The following ZFHX3 variants were observed in gnomAD, a reference collection of about 807,000 sequenced individuals.
ZFHX3 encodes zinc finger homeobox protein 3.
A neutral mutation model predicts 279.1 loss-of-function variants in ZFHX3; 42 were observed. The ratio of observed to expected loss-of-function variants is 0.15; its 90% CI spans 0.12 to 0.19. The LOEUF is 0.19. Ranked by LOEUF, ZFHX3 falls within the 10% of genes least tolerant of loss-of-function variation. The pLI is 1.00. For synonymous variants in ZFHX3, 2,293 were observed against 1,957.8 expected (o/e 1.17, Z -4.52); for missense variants, 4,981 against 4,754.0 (o/e 1.05, Z -1.40).
intron 5 of ZFHX3, among the ~76,000 whole-genome samples, chr16:73,187,151 C>T (rs1227794184): frequency 6.8e-6 from 1 of 146,552 alleles, no homozygotes; most frequent in East Asian, 1.9e-4. Flanking sequence ...GTCTCACACA[C>T]ACACACACAC....
chr16:73,087,474 G>A (rs1397378974), intron 8 of ZFHX3, among the ~76,000 whole-genome samples: 4 of 152,152 alleles, frequency 2.6e-5, no homozygotes, highest in Non-Finnish European at 4.4e-5. Context: ...TCCCCAAACT[G>A]CCATTCTTTT....
At chr16:72,942,059 CCTGA>C (rs774672033) in intron 3 of ZFHX3, among the ~76,000 whole-genome samples, 4 of 152,198 alleles carry the variant, frequency 2.6e-5, no homozygotes, top group Non-Finnish European at 5.9e-5. Context: ...CTTGCCTTTT[CCTGA>C]CTATGTTCCT....
intron 4 of ZFHX3, among the ~76,000 whole-genome samples, chr16:72,864,766 C>G (rs966748188): frequency 2.0e-5 from 3 of 152,190 alleles, no homozygotes; most frequent in Non-Finnish European, 4.4e-5. Context: ...ATATCAGAAT[C>G]CAACCAAGAA....
intron 3 of ZFHX3, among the ~76,000 whole-genome samples, chr16:73,332,494 G>A (rs904254381): frequency 2.0e-5 from 3 of 152,162 alleles, no homozygotes; most frequent in Non-Finnish European, 4.4e-5. Context: ...AGCAGCACAG[G>A]TCTCTGGCTG....
In ZFHX3 at chr16:73,296,877, A is replaced by ATGTTTTTTTTTTTT. The variant is rs755308796; in HGVS notation, c.-1194+21362_-1194+21363insAAAAAAAAAAAACA. ...TTTATAATTGCCATGTGAAGCAGGA[A>ATGTTTTTTTTTTTT]TTTTTTTTTTTTTTTTTTTGAGACG... On this transcript the variant is annotated intron_variant, in intron 4 of 17. Transcript: ENST00000641206. Among the ~76,000 whole-genome samples the ATGTTTTTTTTTTTT allele has an allele frequency of 6.6e-3, 762 of 115,890 alleles. 76 individuals are homozygous for ATGTTTTTTTTTTTT. The highest frequency in any genetic ancestry group is 0.011 in the African/African-American group (312 of 28,714). The allele number at this position is 115,890 out of a possible 152,430, so 76.0% of individuals were successfully genotyped here.
chr16:73,172,989 TTTTTTTG>T lies in ZFHX3; in HGVS notation c.-1103-29165_-1103-29159del, dbSNP rs761919102. Among the ~76,000 whole-genome samples, 165 of 55,892 alleles carry T rather than the reference TTTTTTTG, an allele frequency of 3.0e-3. 2 individuals carry two copies. The highest frequency in any genetic ancestry group is 5.0e-3 in the Admixed American group (19 of 3,764). The allele number at this position is 55,892 out of a possible 152,430, so 36.7% of individuals were successfully genotyped here. ...CCCCTGCTGTTTCCTGATGGGACTG[TTTTTTTG>T]TTTTTTTTTTTGTTTTTTTTTTTTT... On this transcript the variant is annotated intron_variant, in intron 5 of 17. Transcript: ENST00000641206.
intron 2 of ZFHX3, among the ~76,000 whole-genome samples, chr16:73,546,864 T>C (rs2020123964): frequency 2.0e-5 from 3 of 152,024 alleles, no homozygotes; most frequent in African/African-American, 7.3e-5. Flanking sequence ...GTGATTCACA[T>C]GTTTTATTTA....
At chr16:73,127,976 T>C (rs1040830923) in intron 7 of ZFHX3, among the ~76,000 whole-genome samples, 1 of 152,234 alleles carries the variant, frequency 6.6e-6, no homozygotes, top group Non-Finnish European at 1.5e-5. Flanking sequence ...CTTCCTGTTC[T>C]TTGCTTGCCA....
intron 1 of ZFHX3, among the ~76,000 whole-genome samples, chr16:73,833,152 C>T (rs1467208594): frequency 6.6e-6 from 1 of 152,120 alleles, no homozygotes; most frequent in Non-Finnish European, 1.5e-5. Context: ...TGCTCGAGGC[C>T]AGGAGTTCTA....
chr16:72,965,666 A>G (rs1336649683), intron 1 of ZFHX3, among the ~76,000 whole-genome samples: 1 of 152,218 alleles, frequency 6.6e-6, no homozygotes, highest in African/African-American at 2.4e-5. Flanking sequence ...AAGCAATATA[A>G]AGTAATATAA....
intron 1 of ZFHX3, among the ~76,000 whole-genome samples, chr16:73,855,504 A>G (rs1961705219): frequency 6.6e-6 from 1 of 150,552 alleles, no homozygotes; most frequent in Non-Finnish European, 1.5e-5. Context: ...TTTTTTCCAG[A>G]GGAGGAGGAG....
intron 6 of ZFHX3, among the ~76,000 whole-genome samples, chr16:73,142,665 C>T (rs561610799): frequency 5.1e-4 from 77 of 152,264 alleles, no homozygotes; most frequent in African/African-American, 1.8e-3. Context: ...ATGCCGCAGG[C>T]GCTGGTGTGA....
chr16:73,407,685 C>T (rs903991076), intron 3 of ZFHX3, among the ~76,000 whole-genome samples: 3 of 152,180 alleles, frequency 2.0e-5, no homozygotes, highest in African/African-American at 7.2e-5. Flanking sequence ...TCCTCTCCTG[C>T]ATATAGAGAT....
chr16:73,586,452 T>TA (rs61575907), intron 2 of ZFHX3, among the ~76,000 whole-genome samples: 11,089 of 128,582 alleles, frequency 0.086, 1,437 homozygotes, highest in African/African-American at 0.29. Context: ...AAGTTGGAGG[T>TA]AAAAAAAAAA....
intron 4 of ZFHX3, among the ~76,000 whole-genome samples, chr16:73,273,860 A>G (rs986184189): frequency 2.0e-5 from 3 of 152,112 alleles, no homozygotes; most frequent in Admixed American, 6.6e-5. Context: ...TTAAATTTGT[A>G]GGCCGGATGC....
intron 3 of ZFHX3, chr16:73,400,147 A>G (rs1210903462): frequency 6.6e-6 from 1 of 152,016 alleles, no homozygotes; most frequent in Non-Finnish European, 1.5e-5. Context: ...AGATGAGGAA[A>G]CTGAGGCCCA....
At chr16:73,522,198 T>G (rs1168581924) in intron 2 of ZFHX3, among the ~76,000 whole-genome samples, 7 of 152,208 alleles carry the variant, frequency 4.6e-5, no homozygotes, top group Non-Finnish European at 2.9e-5. Flanking sequence ...AATTGGGAAC[T>G]GATAAATCAG....
At chr16:73,855,301 C>A (rs1961699572) in intron 1 of ZFHX3, among the ~76,000 whole-genome samples, 1 of 139,652 alleles carries the variant, frequency 7.2e-6, no homozygotes, top group African/African-American at 2.7e-5. Context: ...ATGAAGCTGA[C>A]AAAATGTAAT....
rs537954617 is a variant in ZFHX3, at chr16:73,646,288, T to G, written c.-1547+33892A>C. Reference sequence around the variant, plus strand: ...CACATTTACTGATATGTAAAGACAGTTGCAAAATCAAAACTACTTAGAGAT... The same window carrying G: ...CACATTTACTGATATGTAAAGACAGGTGCAAAATCAAAACTACTTAGAGAT... On this transcript the variant is annotated intron_variant, in intron 2 of 17. Coordinates refer to the ZFHX3 transcript ENST00000641206. Among the ~76,000 whole-genome samples, 21 of 152,202 alleles carry G rather than the reference T, an allele frequency of 1.4e-4. No homozygotes were observed. The South Asian group carries it at 3.9e-3, about 29-fold the overall frequency.
Sources: allele counts gnomAD v4.1 joint callset (sites outside exome capture counted in the v4.1 genomes callset), GRCh38; gene constraint gnomAD v4.1.1; transcripts MANE v1.5; gene names NCBI Gene and HGNC (gene_info 2026-07-23, HGNC 2026-07-21).